NMRAL1: variants seen among roughly 807,000 people sequenced by gnomAD.
The protein encoded by NMRAL1 is nmrA-like family domain-containing protein 1.
Under a neutral mutation model 27.5 loss-of-function variants are expected in NMRAL1, and 32 were observed. That is an observed-to-expected ratio of 1.16 (90% confidence interval 0.88 to 1.56). NMRAL1 has a LOEUF of 1.56. Among genes scored for constraint, NMRAL1 ranks in the 40% most tolerant of loss-of-function variants. The pLI is 0.00. For synonymous variants in NMRAL1, 166 were observed against 166.8 expected (o/e 1.00, Z 0.04); for missense variants, 420 against 392.0 (o/e 1.07, Z -0.60).
In NMRAL1 at chr16:4,469,227, C is replaced by T. The variant is rs760453113; in HGVS notation, c.279G>A (p.Gln93=). The T allele has an allele frequency of 1.9e-6, 3 of 1,611,628 alleles. No individual in the cohort carries two copies. Among genetic ancestry groups the T allele is most frequent in the Non-Finnish European group, 2.5e-6 (3 of 1,178,204 alleles). ...CCCTGCAGCTCCTGCCTGCCCTCAC[C>T]TGCTTGACCTCCTGCTCCTGGCTGC... The part of the protein sequence containing the change: ...ESCSQEQEVK[Q]GKLLADLARR... Residue 93 remains glutamine, a splice_region_variant and synonymous_variant, in exon 3 of 6, where the codon CAG becomes CAA. Coordinates refer to ENST00000283429, the MANE Select transcript of NMRAL1 (RefSeq NM_020677.6).
chr16:4,471,288 C>T (rs1188694916), intron 2 of NMRAL1: 1 of 152,212 alleles, frequency 6.6e-6, no homozygotes, highest in African/African-American at 2.4e-5. Context: ...TTGAGTCACA[C>T]AGGCATGCGC....
chr16:4,473,662 C>T (rs1439240817), intron 2 of NMRAL1, among the ~76,000 whole-genome samples: 2 of 151,882 alleles, frequency 1.3e-5, no homozygotes, highest in Non-Finnish European at 2.9e-5. Context: ...CGTGGTGGTT[C>T]ATGCCTGTAA....
At chr16:4,471,393 G>C (rs2057558808) in intron 2 of NMRAL1, 1 of 152,050 alleles carries the variant, frequency 6.6e-6, no homozygotes, top group Admixed American at 6.6e-5. Context: ...GAGGCACGCA[G>C]ATCTCTTGAG....
At chr16:4,467,654 C>T (rs1406010599) in intron 3 of NMRAL1, among the ~76,000 whole-genome samples, 2 of 151,882 alleles carry the variant, frequency 1.3e-5, no homozygotes, top group Non-Finnish European at 2.9e-5. Context: ...GAGTCTAGCT[C>T]TGTCGCTCAG....
rs939419732 is a variant in NMRAL1, at chr16:4,474,539, C to G, written c.-35+15G>C. On this transcript the variant is annotated intron_variant, in intron 1 of 5. Transcript: ENST00000283429. Reference sequence around the variant, plus strand: ...GCGCTAGGCGCCAACTCCCTCCCCGCAGCTCCGGCCCCACCTGGCAGAGCG... The same window carrying G: ...GCGCTAGGCGCCAACTCCCTCCCCGGAGCTCCGGCCCCACCTGGCAGAGCG... The G allele has an allele frequency of 6.0e-6, 1 of 165,688 alleles. No homozygotes were observed. The highest frequency in any genetic ancestry group is 2.4e-5 in the African/African-American group (1 of 41,844). The allele number at this position is 165,688 out of a possible 1,614,324, so 10.3% of individuals were successfully genotyped here.
chr16:4,469,581 C>A, intron 2 of NMRAL1, 116 bp from the exon 3 acceptor site: 1 of 1,531,744 alleles, frequency 6.5e-7, no homozygotes, highest in South Asian at 1.2e-5. Context: ...ACCTTCTCAA[C>A]GACGATTCTC....
At chr16:4,466,034 T>C in intron 4 of NMRAL1, 119 bp downstream of exon 4, 1 of 1,260,788 alleles carries the variant, frequency 7.9e-7, no homozygotes, top group Non-Finnish European at 1.1e-6. Flanking sequence ...GTCCTGGGCC[T>C]AACGTGAGGG....
intron 2 of NMRAL1, among the ~76,000 whole-genome samples, chr16:4,470,424 C>T (rs1307761296): frequency 4.0e-5 from 6 of 151,824 alleles, no homozygotes; most frequent in Non-Finnish European, 8.8e-5. Flanking sequence ...GAGCCGAGAT[C>T]GCGCCATTGC....
At chr16:4,464,633 G>C (rs1296517617) in intron 4 of NMRAL1, among the ~76,000 whole-genome samples, 1 of 90,008 alleles carries the variant, frequency 1.1e-5, no homozygotes, top group Non-Finnish European at 2.0e-5. Flanking sequence ...TTTTTTTTTT[G>C]AGATGGAGTC....
chr16:4,464,028 G>C (rs2057218728), intron 4 of NMRAL1, 178 bp from the exon 5 acceptor site: 1 of 561,076 alleles, frequency 1.8e-6, no homozygotes, highest in African/African-American at 2.0e-5. Flanking sequence ...CAGTGGAATT[G>C]AGTCAGGAAA....
chr16:4,463,781 A>T lies in NMRAL1; in HGVS notation c.599T>A (p.Leu200His), dbSNP rs748115492. 1 of 1,614,140 alleles carries T rather than the reference A, an allele frequency of 6.2e-7. No individual in the cohort carries two copies. Among genetic ancestry groups the T allele is most frequent in the South Asian group, 1.1e-5 (1 of 91,082 alleles). Residue 200 changes from leucine to histidine, a missense_variant, in exon 5 of 6, where the codon CTT becomes CAT. Coordinates refer to ENST00000283429, the MANE Select transcript of NMRAL1 (RefSeq NM_020677.6). ...GACGTATTTTTCTGGCATCTTCAAA[A>T]GGCTGAGCACCACAGGACCCAGGTC... ...VSDLGPVVLS[L>H]LKMPEKYVGQ...
chr16:4,462,685 G>A (rs570582104), intron 5 of NMRAL1, among the ~76,000 whole-genome samples: 1 of 151,876 alleles, frequency 6.6e-6, no homozygotes, highest in East Asian at 1.9e-4. Context: ...CCACCACGCC[G>A]GGCTAATTTT....
chr16:4,474,206 G>T, intron 1 of NMRAL1, 40 bp from the exon 2 acceptor site: 9 of 1,500,680 alleles, frequency 6.0e-6, no homozygotes, highest in Non-Finnish European at 8.3e-6. Flanking sequence ...GGTGGGGCCG[G>T]GGTTCCCGCC....
chr16:4,466,211 C>T lies in NMRAL1; in HGVS notation c.471G>A (p.Glu157=). The change falls in exon 4 of 6, where the codon GAG becomes GAA. Residue 157 remains glutamate, a synonymous_variant. Coordinates refer to ENST00000283429, the MANE Select transcript of NMRAL1 (RefSeq NM_020677.6). ...GGGGCAAGAAGTGGGAGAGGAGGTT[C>T]TCAAAATAGCAGGGCAGCCGCACAC... ...MTSVRLPCYF[E]NLLSHFLPQK... is the part of the protein sequence containing the mutation. 1 of 1,614,162 alleles carries T rather than the reference C, an allele frequency of 6.2e-7. No individual in the cohort carries two copies. The highest frequency in any genetic ancestry group is 8.5e-7 in the Non-Finnish European group (1 of 1,180,040).
rs144795931 is a variant in NMRAL1, at chr16:4,466,929, C to A, written c.280-527G>T. On this transcript the variant is annotated intron_variant, in intron 3 of 5. Coordinates refer to ENST00000283429, the MANE Select transcript of NMRAL1 (RefSeq NM_020677.6). ...GCATGAGGTGACGCAGAGATTCGGA[C>A]GGTGGCCTCCAAAAAGATATGCCGC... 17 of 156,988 alleles carry A rather than the reference C, an allele frequency of 1.1e-4. 1 individual carries two copies. In the East Asian group the frequency reaches 3.2e-3, roughly 30 times the overall value. The allele number at this position is 156,988 out of a possible 1,614,324, so 9.7% of individuals were successfully genotyped here.
At chr16:4,469,707 A>C (rs1282736527) in intron 2 of NMRAL1, 3 of 699,558 alleles carry the variant, frequency 4.3e-6, no homozygotes, top group Non-Finnish European at 6.7e-6. Context: ...CTCTATCAAA[A>C]AATACAAAAA....
chr16:4,476,236 C>A (rs1157951422), upstream of NMRAL1: 1 of 152,286 alleles, frequency 6.6e-6, no homozygotes, highest in Non-Finnish European at 1.5e-5. Context: ...CGCCTACTTA[C>A]CCCGCTGAGC....
chr16:4,463,740 G>C lies in NMRAL1; in HGVS notation c.640C>G (p.Leu214Val). ...PEKYVGQNIG[L>V]STCRHTAEEY... ...TCGGCCGTGTGCCTGCAAGTGCTCA[G>C]CCCGATGTTCTGGCCGACGTATTTT... Residue 214 changes from leucine to valine, a missense_variant, in exon 5 of 6, where the codon CTG (leucine) becomes GTG (valine). Transcript: ENST00000283429. 1 of 1,614,096 alleles carries C rather than the reference G, an allele frequency of 6.2e-7. No homozygotes were observed. The highest frequency in any genetic ancestry group is 1.7e-5 in the Admixed American group (1 of 60,014).
intron 2 of NMRAL1, 23 bp from the exon 3 acceptor site, chr16:4,469,488 C>T (rs769603635): frequency 1.9e-6 from 3 of 1,610,116 alleles, no homozygotes; most frequent in East Asian, 4.5e-5. Context: ...AAAAAGACCT[C>T]TCAGGTCAGA....
Sources: gnomAD v4.1 joint callset for allele counts (sites outside exome capture counted in the v4.1 genomes callset) on GRCh38, gnomAD v4.1.1 for gene constraint, MANE v1.5 for transcripts, NCBI Gene and HGNC (gene_info 2026-07-23, HGNC 2026-07-21) for gene names.